Variants in RSRC1 observed in about 807,000 individuals in gnomAD.
RSRC1 encodes the protein arginine and serine rich coiled-coil 1, also known as serine/Arginine-related protein 53.
In RSRC1, 39 loss-of-function variants were observed where a neutral mutation model predicts 49.1. The observed-to-expected ratio is 0.79, with a 90% CI of 0.61 to 1.04. The LOEUF is 1.04. Ranked by LOEUF, RSRC1 falls within the 50% of genes least tolerant of loss-of-function variation. RSRC1 has a pLI of 0.00. For synonymous variants in RSRC1, 143 were observed against 130.8 expected (o/e 1.09, Z -0.63); for missense variants, 388 against 402.4 (o/e 0.96, Z 0.31).
At chr3:158,371,213 T>C (rs1247519661) in intron 6 of RSRC1, among the ~76,000 whole-genome samples, 2 of 151,932 alleles carry the variant, frequency 1.3e-5, no homozygotes, top group Non-Finnish European at 2.9e-5. Context: ...AGTCCTTGTC[T>C]TGCTTATTTT....
chr3:158,517,259 A>G (rs977974242), intron 7 of RSRC1, among the ~76,000 whole-genome samples: 2 of 152,166 alleles, frequency 1.3e-5, no homozygotes, highest in Admixed American at 1.3e-4. Context: ...TACCTAACAA[A>G]TTATCTGTAA....
At chr3:158,316,601 C>T (rs1450023227) in intron 5 of RSRC1, among the ~76,000 whole-genome samples, 2 of 151,854 alleles carry the variant, frequency 1.3e-5, no homozygotes, top group African/African-American at 4.8e-5. Flanking sequence ...CCCGCCACCT[C>T]GCCCAGCTAA....
chr3:158,271,943 A>G (rs920650582), intron 4 of RSRC1, among the ~76,000 whole-genome samples: 16 of 152,116 alleles, frequency 1.1e-4, no homozygotes, highest in African/African-American at 3.6e-4. Context: ...ATAGCATTGT[A>G]TTTGCATATA....
chr3:158,399,751 T>C (rs915812521), intron 6 of RSRC1, among the ~76,000 whole-genome samples: 2 of 152,154 alleles, frequency 1.3e-5, no homozygotes, highest in East Asian at 1.9e-4. Flanking sequence ...CTCTAGAGAC[T>C]GTTCTTACCC....
At chr3:158,336,326 G>A (rs1301999134) in intron 5 of RSRC1, 1 of 152,256 alleles carries the variant, frequency 6.6e-6, no homozygotes. Context: ...TGAGGGTGAG[G>A]TGGGGATGCC....
At chr3:158,301,995 T>TGGG (rs1559983621) in intron 5 of RSRC1, among the ~76,000 whole-genome samples, 42 of 151,518 alleles carry the variant, frequency 2.8e-4, no homozygotes, top group African/African-American at 9.4e-4. Flanking sequence ...TTTTTTGTTT[T>TGGG]TTTTTTTTGT....
chr3:158,427,740 A>G (rs567262227), intron 6 of RSRC1, among the ~76,000 whole-genome samples: 2 of 151,730 alleles, frequency 1.3e-5, no homozygotes, highest in South Asian at 4.2e-4. Flanking sequence ...GCTTTTTTGC[A>G]TCTAGTTTTC....
At chr3:158,287,087 A>G (rs962522186) in intron 4 of RSRC1, among the ~76,000 whole-genome samples, 3 of 152,112 alleles carry the variant, frequency 2.0e-5, no homozygotes, top group African/African-American at 7.2e-5. Context: ...CAGCCTCCCA[A>G]AGTGCTGGGA....
At chr3:158,317,725 A>AT (rs1348745530) in intron 5 of RSRC1, among the ~76,000 whole-genome samples, 1 of 151,348 alleles carries the variant, frequency 6.6e-6, no homozygotes, top group Non-Finnish European at 1.5e-5. Context: ...TGGCTGGCTA[A>AT]TTTTTTGTAT....
intron 5 of RSRC1, among the ~76,000 whole-genome samples, chr3:158,313,148 TAAA>T (rs1477408995): frequency 1.3e-5 from 2 of 152,036 alleles, no homozygotes; most frequent in Non-Finnish European, 2.9e-5. Context: ...ATCTCCTTTG[TAAA>T]AAGCTTTCAC....
At chr3:158,408,620 A>T (rs942500854) in intron 6 of RSRC1, among the ~76,000 whole-genome samples, 3 of 152,186 alleles carry the variant, frequency 2.0e-5, no homozygotes, top group African/African-American at 7.2e-5. Flanking sequence ...TCTTTTAAAA[A>T]CACTGATGAC....
intron 5 of RSRC1, among the ~76,000 whole-genome samples, chr3:158,335,023 A>G (rs1010557574): frequency 6.6e-6 from 1 of 152,046 alleles, no homozygotes; most frequent in African/African-American, 2.4e-5. Flanking sequence ...CTTAACTTTC[A>G]CATAATGCTG....
chr3:158,202,924 C>T (rs1190454075), intron 3 of RSRC1, 148 bp from the exon 4 acceptor site: 1 of 520,010 alleles, frequency 1.9e-6, no homozygotes, highest in East Asian at 3.2e-5. Context: ...TATAAAGAAT[C>T]ATATTCAGGT....
At chr3:158,110,994 T>C (rs536560541) in intron 1 of RSRC1, among the ~76,000 whole-genome samples, 1 of 152,358 alleles carries the variant, frequency 6.6e-6, no homozygotes, top group African/African-American at 2.4e-5. Context: ...AAATATTTTT[T>C]TACACTTTCA....
At chr3:158,167,024 G>T (rs1224439117) in intron 3 of RSRC1, among the ~76,000 whole-genome samples, 2 of 152,068 alleles carry the variant, frequency 1.3e-5, no homozygotes, top group Non-Finnish European at 2.9e-5. Context: ...TAGTGGTTAG[G>T]ATAGAATTCC....
intron 6 of RSRC1, among the ~76,000 whole-genome samples, chr3:158,397,660 A>G (rs1733684724): frequency 6.6e-6 from 1 of 152,180 alleles, no homozygotes; most frequent in African/African-American, 2.4e-5. Context: ...TAATGGAAAT[A>G]GTAAAATATA....
chr3:158,334,633 A>G (rs1729766637), intron 5 of RSRC1, among the ~76,000 whole-genome samples: 1 of 142,742 alleles, frequency 7.0e-6, no homozygotes, highest in Non-Finnish European at 1.5e-5. Context: ...GGCACATGAC[A>G]CCACACCCAG....
intron 5 of RSRC1, among the ~76,000 whole-genome samples, chr3:158,340,948 G>A (rs1251512285): frequency 2.0e-5 from 3 of 152,184 alleles, no homozygotes; most frequent in Non-Finnish European, 2.9e-5. Flanking sequence ...GGGAACTGGA[G>A]CAAAGGTGAC....
At chr3:158,185,457 A>G (rs1719873325) in intron 3 of RSRC1, among the ~76,000 whole-genome samples, 1 of 151,944 alleles carries the variant, frequency 6.6e-6, no homozygotes, top group Non-Finnish European at 1.5e-5. Flanking sequence ...TTGCCCTCAA[A>G]AAGTCCTATT....
Sources: allele counts gnomAD v4.1 joint callset (sites outside exome capture counted in the v4.1 genomes callset), GRCh38; gene constraint gnomAD v4.1.1; transcripts MANE v1.5; gene names NCBI Gene and HGNC (gene_info 2026-07-23, HGNC 2026-07-21).